Variants in BTD observed in about 807,000 individuals in gnomAD.
The protein encoded by BTD is biotinidase.
BTD carries 13 observed loss-of-function variants against 17.7 expected under a neutral mutation model. That is an observed-to-expected ratio of 0.74 (90% CI 0.48 to 1.17). BTD has a LOEUF of 1.17. Among genes scored for constraint, BTD ranks in the 50% most tolerant of loss-of-function variants. The pLI is 0.00. For missense variants in BTD, 674 were observed against 650.4 expected (o/e 1.04, Z -0.39); for synonymous variants, 240 against 245.2 (o/e 0.98, Z 0.20).
At chr3:15,715,395 T>A (rs1235265468), downstream of BTD, among the ~76,000 whole-genome samples, 1 of 152,236 alleles carries the variant, frequency 6.6e-6, no homozygotes, top group African/African-American at 2.4e-5. Context: ...TCTAAGTTTA[T>A]GCTAACACTG....
intron 1 of BTD, 139 bp downstream of exon 1, chr3:15,602,033 G>C: frequency 6.7e-7 from 1 of 1,489,568 alleles, no homozygotes; most frequent in Non-Finnish European, 8.9e-7. Context: ...CGCGTCGTTT[G>C]CTGGGGCTGT....
At chr3:15,693,605 A>ATGC (rs56816346) in intron 3 of BTD, among the ~76,000 whole-genome samples, 6,402 of 151,990 alleles carry the variant, frequency 0.042, 438 homozygotes, top group African/African-American at 0.14. Flanking sequence ...TATAATGAGA[A>ATGC]TGCTGCTGCT....
intron 3 of BTD, chr3:15,670,080 G>C (rs975857202): frequency 3.4e-6 from 2 of 595,154 alleles, no homozygotes; most frequent in East Asian, 5.8e-5. Context: ...TCTATTTCAA[G>C]ATTCTAGAAG....
At position 15,648,935 on chromosome 3, in the gene BTD, C is replaced by G. The variant is rs996244058; in HGVS notation, c.*3447C>G. Among the ~76,000 whole-genome samples the G allele has an allele frequency of 6.6e-6, 1 of 152,166 alleles. No homozygotes were observed. Among genetic ancestry groups the G allele is most frequent in the Admixed American group, 6.5e-5 (1 of 15,274 alleles). On this transcript the variant is annotated 3_prime_UTR_variant, in exon 4 of 4. Coordinates refer to ENST00000643237, the MANE Select transcript of BTD (RefSeq NM_001370658.1). ...ACACCAGAAATTGCTTGCCAACAAA[C>G]ACCAGAAATTAGAAGAGGCAAGAAA...
chr3:15,623,476 C>T (rs1244247454), intron 1 of BTD, among the ~76,000 whole-genome samples: 1 of 152,030 alleles, frequency 6.6e-6, no homozygotes, highest in East Asian at 1.9e-4. Context: ...TTCGTAGTTC[C>T]TGTTTTTGTC....
At chr3:15,688,100 G>A (rs756090576) in intron 3 of BTD, among the ~76,000 whole-genome samples, 2 of 152,096 alleles carry the variant, frequency 1.3e-5, no homozygotes, top group Non-Finnish European at 2.9e-5. Context: ...TGAACTATAT[G>A]GCATTGGTTA....
intron 3 of BTD, among the ~76,000 whole-genome samples, chr3:15,665,599 A>G (rs544009946): frequency 6.6e-6 from 1 of 152,230 alleles, no homozygotes; most frequent in Non-Finnish European, 1.5e-5. Flanking sequence ...AAGTTGAAAC[A>G]GCAACAAATC....
chr3:15,624,011 C>T (rs2065013441), intron 1 of BTD, among the ~76,000 whole-genome samples: 2 of 152,114 alleles, frequency 1.3e-5, no homozygotes, highest in South Asian at 2.1e-4. Flanking sequence ...TACTTTTTTC[C>T]TCTCAACACT....
chr3:15,620,368 C>T (rs2064914734), intron 1 of BTD, among the ~76,000 whole-genome samples: 1 of 152,146 alleles, frequency 6.6e-6, no homozygotes, highest in Admixed American at 6.5e-5. Flanking sequence ...TATTAATATT[C>T]CTTGCTAGGA....
intron 3 of BTD, among the ~76,000 whole-genome samples, chr3:15,665,212 A>G (rs942859544): frequency 3.3e-5 from 5 of 152,148 alleles, no homozygotes; most frequent in African/African-American, 7.2e-5. Flanking sequence ...CTGGAGAGGG[A>G]GAGATGGAGA....
At position 15,710,837 on chromosome 3, in the gene BTD, G is replaced by GA. The variant is rs147896414; in HGVS notation, c.*772dup. Among the ~76,000 whole-genome samples, 442 of 150,688 alleles carry GA rather than the reference G, an allele frequency of 2.9e-3. 3 individuals are homozygous for GA. Among genetic ancestry groups the GA allele is most frequent in the African/African-American group, 0.01 (421 of 41,118 alleles). On this transcript the variant is annotated 3_prime_UTR_variant, in exon 4 of 4. Coordinates refer to the BTD transcript ENST00000672141. ...CAAAATGAACATTTTTTTCCTGGGGGAAAAAAAAATTAACAAATCTACTTA... is the reference window on the plus strand; with the variant it reads ...CAAAATGAACATTTTTTTCCTGGGGGAAAAAAAAAATTAACAAATCTACTTA...
Position 15,644,370 on chromosome 3 carries a change from A to G in BTD, c.454A>G (p.Asn152Asp). 1 of 1,614,120 alleles carries G rather than the reference A, an allele frequency of 6.2e-7. No individual in the cohort carries two copies. The highest frequency in any genetic ancestry group is 1.1e-5 in the South Asian group (1 of 91,072). ...CAGGGGAGATATGTTCTTGGTGGCC[A>G]ATCTTGGGACAAAGGAGCCTTGTCA... ...AIRGDMFLVANLGTKEPCHSS... is the reference protein window; with the variant it reads ...AIRGDMFLVADLGTKEPCHSS... Residue 152 changes from asparagine to aspartate, a missense_variant, in exon 4 of 4, where the codon AAT (asparagine) becomes GAT (aspartate). Physicochemically the swap from Asn to Asp is conservative, Grantham distance 23. Transcript: ENST00000643237.
chr3:15,636,800 AG>A (rs1303431671), intron 2 of BTD, among the ~76,000 whole-genome samples: 1 of 91,456 alleles, frequency 1.1e-5, no homozygotes, highest in Non-Finnish European at 2.2e-5. Flanking sequence ...GTTTGGGGGC[AG>A]GGGGTGTGTA....
chr3:15,691,311 A>C (rs1559344398), intron 3 of BTD, among the ~76,000 whole-genome samples: 1 of 151,778 alleles, frequency 6.6e-6, no homozygotes, highest in Non-Finnish European at 1.5e-5. Flanking sequence ...TTTTAGTAGA[A>C]ACGGGGTTTC....
chr3:15,632,020 T>C (rs548417571), intron 1 of BTD, among the ~76,000 whole-genome samples: 52 of 152,308 alleles, frequency 3.4e-4, no homozygotes, highest in African/African-American at 1.2e-3. Flanking sequence ...AGCCCCCTGC[T>C]GTCCTTGCTG....
chr3:15,628,240 C>T (rs536114174), intron 1 of BTD, among the ~76,000 whole-genome samples: 4 of 152,354 alleles, frequency 2.6e-5, no homozygotes, highest in African/African-American at 9.6e-5. Flanking sequence ...GATTCTGTAT[C>T]CACCACAGGC....
chr3:15,667,503 T>C (rs1410489019), intron 3 of BTD: 1 of 152,238 alleles, frequency 6.6e-6, no homozygotes, highest in Non-Finnish European at 1.5e-5. Flanking sequence ...CTACTCTGTG[T>C]GAGGATAAGA....
rs142826152 is a variant in BTD at position 15,617,333 on chromosome 3, C to A, written c.-17+15439C>A. ...TTTAGTGAAGTGCAGTGTATCAATT[C>A]TTTCTTTTTTGTCCAACACAAGATC... On this transcript the variant is annotated intron_variant, in intron 1 of 3. Transcript: ENST00000643237. Among the ~76,000 whole-genome samples the A allele has an allele frequency of 1.7e-4, 26 of 152,256 alleles. No homozygotes were observed. The East Asian group carries it at 4.8e-3, about 28-fold the overall frequency.
downstream of BTD, among the ~76,000 whole-genome samples, chr3:15,715,626 G>C (rs998529614): frequency 6.6e-6 from 1 of 152,172 alleles, no homozygotes; most frequent in African/African-American, 2.4e-5. Context: ...TCTGGAGTCA[G>C]AATAACCTAA....
Sources: allele counts gnomAD v4.1 joint callset (sites outside exome capture counted in the v4.1 genomes callset), GRCh38; gene constraint gnomAD v4.1.1; transcripts MANE v1.5; gene names NCBI Gene and HGNC (gene_info 2026-07-23, HGNC 2026-07-21).